Variants in NRG2 observed in about 807,000 individuals in gnomAD.
NRG2 encodes the protein neuregulin 2, also known as pro-neuregulin-2, membrane-bound isoform.
NRG2 carries 27 observed loss-of-function variants against 73.9 expected under a neutral mutation model. The ratio of observed to expected loss-of-function variants is 0.37; its 90% CI spans 0.27 to 0.50. The LOEUF is 0.50. Ranked by LOEUF, NRG2 falls within the 20% of genes least tolerant of loss-of-function variation. NRG2 has a pLI of 0.96. For missense variants in NRG2, 1,126 were observed against 1,210.1 expected, an observed-to-expected ratio of 0.93 and a Z score of 1.03; for synonymous variants, 532 against 541.0, an observed-to-expected ratio of 0.98 and a Z score of 0.23.
At position 139,865,247 on chromosome 5, in the gene NRG2, G is replaced by C; in HGVS notation, c.1189+302C>G. 1.6e-6 allele frequency: 2 copies of C among 1,276,850 alleles called. No individual in the cohort carries two copies. The highest frequency in any genetic ancestry group is 1.1e-6 in the Non-Finnish European group (1 of 880,490). 79.1% of individuals were successfully genotyped at this position (1,276,850 alleles called of 1,614,324 possible). On this transcript the variant is annotated intron_variant, in intron 5 of 9. Coordinates refer to ENST00000361474, the MANE Select transcript of NRG2 (RefSeq NM_004883.3). This position sits in a 1 kb window ranked among gnomAD's most constrained non-coding sequence, Gnocchi z 5.2. ...CAGGCATTGCAACACCCCGGCACGG[G>C]CTCCTGCCAATGCCAGCTGGGTTCC...
intron 4 of NRG2, 56 bp downstream of exon 4, chr5:139,871,665 A>T (rs1207179777): frequency 6.2e-7 from 1 of 1,604,612 alleles, no homozygotes; most frequent in Non-Finnish European, 8.5e-7. Context: ...TCCACTTCTG[A>T]CCCAGCATCT....
intron 1 of NRG2, among the ~76,000 whole-genome samples, chr5:139,981,141 C>T (rs1756768364): frequency 6.6e-6 from 1 of 152,226 alleles, no homozygotes; most frequent in South Asian, 2.1e-4. Context: ...GCTTGCTGTA[C>T]ACGCTCTGAG....
rs1164464415 is a variant in NRG2, at chr5:139,904,199, C to T, written c.701-16688G>A. 2.9e-5 allele frequency: 33 copies of T among 1,154,008 alleles called. No homozygotes were observed. Among genetic ancestry groups the T allele is most frequent in the Non-Finnish European group, 3.7e-5 (33 of 891,572 alleles). 71.5% of individuals were successfully genotyped at this position (1,154,008 alleles called of 1,614,324 possible). On this transcript the variant is annotated intron_variant, in intron 1 of 9. Transcript: ENST00000361474. This position sits in a 1 kb window ranked among gnomAD's most constrained non-coding sequence, Gnocchi z 6.0. ...GCGCCCTCGGTGCCTGTCACCGCGG[C>T]GGCCGCTAGCGCAGCCTAGACTCAC...
At chr5:139,956,476 G>A (rs1229276082) in intron 1 of NRG2, among the ~76,000 whole-genome samples, 6 of 152,144 alleles carry the variant, frequency 3.9e-5, no homozygotes, top group South Asian at 2.1e-4. Flanking sequence ...GTCCTTGAGG[G>A]AAGGATCAAG....
At chr5:140,005,937 C>T (rs1224663586) in intron 1 of NRG2, among the ~76,000 whole-genome samples, 1 of 152,150 alleles carries the variant, frequency 6.6e-6, no homozygotes, top group Non-Finnish European at 1.5e-5. Context: ...AAGCCTTCTA[C>T]AAAGGCCACT....
At chr5:139,968,650 C>A (rs541781818) in intron 1 of NRG2, among the ~76,000 whole-genome samples, 9 of 152,310 alleles carry the variant, frequency 5.9e-5, no homozygotes, top group African/African-American at 2.2e-4. Context: ...GGGAGCTCTC[C>A]GTTCGGCGGC....
chr5:139,886,888 T>TGGAAA (rs1763907207), intron 2 of NRG2, among the ~76,000 whole-genome samples: 3 of 152,230 alleles, frequency 2.0e-5, no homozygotes, highest in African/African-American at 7.2e-5. Flanking sequence ...TACCTAGCTC[T>TGGAAA]CTGACAACTG....
intron 1 of NRG2, among the ~76,000 whole-genome samples, chr5:140,031,084 G>GC (rs1483094273): frequency 6.6e-6 from 1 of 152,202 alleles, no homozygotes; most frequent in Non-Finnish European, 1.5e-5. Context: ...CCAGGATTAT[G>GC]CCTACCTCCC....
At chr5:139,972,783 C>T (rs930549085) in intron 1 of NRG2, among the ~76,000 whole-genome samples, 3 of 152,028 alleles carry the variant, frequency 2.0e-5, no homozygotes, top group African/African-American at 7.2e-5. Context: ...CTCTATACAG[C>T]ATTTATCAAA....
chr5:139,847,988 T>C lies in NRG2; in HGVS notation c.2482A>G (p.Ser828Gly), dbSNP rs1437368398. The C allele has an allele frequency of 1.3e-6, 2 of 1,514,054 alleles. No homozygotes were observed. The highest frequency in any genetic ancestry group is 2.9e-5 in the African/African-American group (2 of 69,044). 93.8% of individuals were successfully genotyped at this position (1,514,054 alleles called of 1,614,324 possible). A position where few individuals can be genotyped will look rare whatever the true frequency, so the allele number is the denominator to read the frequency against. The change falls in exon 10 of 10, where the codon AGC becomes GGC. Residue 828 changes from serine (S) to glycine (G), a missense_variant. Coordinates refer to ENST00000361474, the MANE Select transcript of NRG2 (RefSeq NM_004883.3). The part of the protein sequence containing the change: ...SRTYYSLDSH[S>G]TRASSRHSRG... ...CTGTGTCTGCTGCTGGCCCGCGTGCTGTGGCTGTCCAGTGAGTAGTAAGTC... is the reference window on the plus strand; with the variant it reads ...CTGTGTCTGCTGCTGGCCCGCGTGCCGTGGCTGTCCAGTGAGTAGTAAGTC...
At chr5:139,895,326 G>C (rs1764478753) in intron 1 of NRG2, among the ~76,000 whole-genome samples, 1 of 152,250 alleles carries the variant, frequency 6.6e-6, no homozygotes, top group Non-Finnish European at 1.5e-5. Context: ...GCAGGGCTGG[G>C]ATACAGGCAC....
rs1750793376 is a variant in NRG2 at position 139,911,211 on chromosome 5, C to T, written c.701-23700G>A. Among the ~76,000 whole-genome samples, 5 of 152,086 alleles carry T rather than the reference C, an allele frequency of 3.3e-5. No homozygotes were observed. The South Asian group carries it at 1.0e-3, about 31-fold the overall frequency. ...GAGGACAGCAGAGCAGGCTCTAATT[C>T]CAGTGTCCCCGGGGCCTGCTGTGTG... On this transcript the variant is annotated intron_variant, in intron 1 of 9. Coordinates refer to ENST00000361474, the MANE Select transcript of NRG2 (RefSeq NM_004883.3).
intron 1 of NRG2, among the ~76,000 whole-genome samples, chr5:139,906,994 C>T (rs1765277857): frequency 2.0e-5 from 3 of 151,712 alleles, no homozygotes; most frequent in South Asian, 4.2e-4. Context: ...TGTGTGTGTG[C>T]GTGTGTGTGC....
chr5:140,004,099 C>A (rs1758704446), intron 1 of NRG2, among the ~76,000 whole-genome samples: 1 of 152,094 alleles, frequency 6.6e-6, no homozygotes, highest in Admixed American at 6.6e-5. Context: ...CCTTCTGTAT[C>A]ATTTTTGCAA....
chr5:139,892,128 GA>G (rs757903283), intron 1 of NRG2, among the ~76,000 whole-genome samples: 7 of 152,196 alleles, frequency 4.6e-5, no homozygotes, highest in Non-Finnish European at 1.0e-4. Context: ...AACCTTGTAG[GA>G]AAGTTCCTTG....
At chr5:140,040,005 T>A (rs929865336) in intron 1 of NRG2, among the ~76,000 whole-genome samples, 3 of 152,216 alleles carry the variant, frequency 2.0e-5, no homozygotes, top group African/African-American at 4.8e-5. Flanking sequence ...TTAGGATGAT[T>A]TTGTTTCCTT....
chr5:139,907,341 C>T (rs551082333), intron 1 of NRG2, among the ~76,000 whole-genome samples: 1 of 152,276 alleles, frequency 6.6e-6, no homozygotes, highest in Non-Finnish European at 1.5e-5. Flanking sequence ...TTCCTGAATT[C>T]TTTTGATGTA....
intron 1 of NRG2, among the ~76,000 whole-genome samples, chr5:139,996,914 G>A (rs1191579743): frequency 4.6e-5 from 7 of 152,022 alleles, no homozygotes; most frequent in Non-Finnish European, 7.4e-5. Context: ...GGGGTGGGGG[G>A]CAGATTGCTT....
chr5:139,954,727 CCTTTTTGT>C lies in NRG2; in HGVS notation c.701-67224_701-67217del, dbSNP rs1444030776. 6.6e-6 allele frequency among the ~76,000 whole-genome samples: 1 copy of C among 152,196 alleles called. No homozygotes were observed. The highest frequency in any genetic ancestry group is 2.4e-5 in the African/African-American group (1 of 41,456). ...CATGCACTTTTCTTAACCTAAAATG[CCTTTTTGT>C]CTCTATCAAATCATTGTTATTCCCC... On this transcript the variant is annotated intron_variant, in intron 1 of 9. Coordinates refer to ENST00000361474, the MANE Select transcript of NRG2 (RefSeq NM_004883.3). The surrounding 1 kb of genome is among the most constrained non-coding windows in gnomAD (Gnocchi z 5.0).
Sources: gnomAD v4.1 joint callset for allele counts (sites outside exome capture counted in the v4.1 genomes callset) on GRCh38, gnomAD v4.1.1 for gene constraint, Gnocchi (gnomAD v3.1) non-coding constraint, MANE v1.5 for transcripts, NCBI Gene and HGNC (gene_info 2026-07-23, HGNC 2026-07-21) for gene names.